SEMA6D: variants seen among roughly 807,000 people sequenced by gnomAD.
SEMA6D encodes semaphorin 6D.
In SEMA6D, 35 loss-of-function variants were observed where a neutral mutation model predicts 106.6. That is an observed-to-expected ratio of 0.33 (90% CI 0.25 to 0.44). The LOEUF (loss-of-function observed/expected upper bound fraction) is 0.44, where lower values mean the gene tolerates loss of function less well. SEMA6D is among the 20% of genes least tolerant of loss of function. SEMA6D has a pLI of 1.00. For synonymous variants in SEMA6D, 499 were observed against 487.7 expected (o/e 1.02, Z -0.31); for missense variants, 1,185 against 1,345.9 (o/e 0.88, Z 1.87).
At chr15:47,217,404 G>A (rs1436288744) in intron 1 of SEMA6D, among the ~76,000 whole-genome samples, 2 of 152,024 alleles carry the variant, frequency 1.3e-5, no homozygotes, top group African/African-American at 4.8e-5. Context: ...GCAAACAACT[G>A]GAAAACAAAA....
chr15:47,634,097 G>C (rs12595356), intron 4 of SEMA6D, among the ~76,000 whole-genome samples: 47,385 of 151,914 alleles, frequency 0.31, 7,891 homozygotes, highest in East Asian at 0.45. Context: ...GTCAAATAAT[G>C]CCGACATATG....
In SEMA6D at chr15:47,764,230, A is replaced by G. The variant is rs916439724; in HGVS notation, c.1022A>G (p.Lys341Arg). ...FSMDDIEKVFKGRFKEQKTPD... is the reference protein window; with the variant it reads ...FSMDDIEKVFRGRFKEQKTPD... ...ATGGATGACATTGAAAAAGTATTCA[A>G]AGGACGGTTTAAGGAACAGAAAACT... Residue 341 changes from lysine (K) to arginine (R), a missense_variant, in exon 11 of 19, where the codon AAA (lysine) becomes AGA (arginine). By Grantham distance (26) the Lys-to-Arg change is conservative. Coordinates refer to ENST00000536845, the MANE Select transcript of SEMA6D (RefSeq NM_001358351.3). 5.0e-6 allele frequency: 8 copies of G among 1,613,834 alleles called. No homozygotes were observed. Among genetic ancestry groups the G allele is most frequent in the Middle Eastern group, 1.7e-4 (1 of 6,052 alleles).
chr15:47,700,185 G>C (rs1213173096), intron 4 of SEMA6D, among the ~76,000 whole-genome samples: 1 of 152,160 alleles, frequency 6.6e-6, no homozygotes, highest in African/African-American at 2.4e-5. Context: ...AGACAATATA[G>C]TTAAGATGTC....
intron 3 of SEMA6D, among the ~76,000 whole-genome samples, chr15:47,473,446 G>A (rs1274609555): frequency 6.6e-6 from 1 of 152,092 alleles, no homozygotes; most frequent in Non-Finnish European, 1.5e-5. Flanking sequence ...TACATCACCT[G>A]TCAAAGCCAG....
At chr15:47,311,314 T>A (rs538695549) in intron 1 of SEMA6D, among the ~76,000 whole-genome samples, 28 of 152,312 alleles carry the variant, frequency 1.8e-4, no homozygotes, top group African/African-American at 6.7e-4. Context: ...AGGTTTTCTT[T>A]TAAGGATTCA....
chr15:47,631,455 C>CA (rs2077291301), intron 4 of SEMA6D, among the ~76,000 whole-genome samples: 1 of 148,190 alleles, frequency 6.7e-6, no homozygotes, highest in African/African-American at 2.5e-5. Context: ...CTTATACACA[C>CA]GAAAAAAAAA....
At chr15:47,509,532 A>G (rs1402095151) in intron 3 of SEMA6D, among the ~76,000 whole-genome samples, 11 of 152,178 alleles carry the variant, frequency 7.2e-5, no homozygotes, top group Admixed American at 7.2e-4. Context: ...CTGCCATGAC[A>G]TTGAAGGCTT....
At chr15:47,288,341 G>GA (rs2035457282) in intron 1 of SEMA6D, among the ~76,000 whole-genome samples, 1 of 152,168 alleles carries the variant, frequency 6.6e-6, no homozygotes, top group Non-Finnish European at 1.5e-5. Context: ...GTGGTGGAGG[G>GA]GAAAGGTGAC....
chr15:47,568,077 T>C (rs560584993), intron 3 of SEMA6D, among the ~76,000 whole-genome samples: 1 of 151,946 alleles, frequency 6.6e-6, no homozygotes, highest in African/African-American at 2.4e-5. Flanking sequence ...TCAGAGGTAA[T>C]GTAGTTGTAT....
intron 1 of SEMA6D, among the ~76,000 whole-genome samples, chr15:47,327,986 G>C (rs1376917461): frequency 6.6e-6 from 1 of 152,102 alleles, no homozygotes; most frequent in East Asian, 1.9e-4. Flanking sequence ...CGGAAAATGA[G>C]GCTAACATTT....
intron 2 of SEMA6D, among the ~76,000 whole-genome samples, chr15:47,425,132 A>C (rs2041289198): frequency 6.6e-6 from 1 of 152,070 alleles, no homozygotes; most frequent in African/African-American, 2.4e-5. Context: ...GAATCATTGA[A>C]AAGTCTGTCA....
chr15:47,308,202 C>T (rs1207373095), intron 1 of SEMA6D, among the ~76,000 whole-genome samples: 2 of 152,110 alleles, frequency 1.3e-5, no homozygotes, highest in African/African-American at 4.8e-5. Flanking sequence ...TGTACATATT[C>T]TACATAGGTG....
At chr15:47,211,477 A>G (rs967336776) in intron 1 of SEMA6D, among the ~76,000 whole-genome samples, 2 of 152,156 alleles carry the variant, frequency 1.3e-5, no homozygotes, top group Non-Finnish European at 2.9e-5. Context: ...CCAATAATGT[A>G]TTTCCTTTTA....
intron 1 of SEMA6D, among the ~76,000 whole-genome samples, chr15:47,376,696 T>C (rs2039461394): frequency 6.6e-6 from 1 of 152,228 alleles, no homozygotes; most frequent in African/African-American, 2.4e-5. Flanking sequence ...TGGCTCTTTA[T>C]TAGGTTACAC....
rs1284016402 is a variant in SEMA6D, at chr15:47,210,698, G to A, written c.-239+26280G>A. ...CAGAATCTCTTGAACCTGGGAGGTG[G>A]ATGTTGCAGTGAGCCGAGATAGCAC... On this transcript the variant is annotated intron_variant, in intron 1 of 19. Coordinates refer to the SEMA6D transcript ENST00000558014. Among the ~76,000 whole-genome samples, 10 of 143,818 alleles carry A rather than the reference G, an allele frequency of 7.0e-5. No homozygotes were observed. The Admixed American group carries it at 7.5e-4, about 11-fold the overall frequency. The allele number at this position is 143,818 out of a possible 152,430, so 94.4% of individuals were successfully genotyped here.
rs375526899 is a variant in SEMA6D at position 47,412,024 on chromosome 15, C to T, written c.-238-369C>T. The stretch of plus-strand genomic sequence containing the variant: ...TCTGTGTGCACAGACTTTGCAGTCA[C>T]GTAAGCACATACTTCATTAAAATTG... On this transcript the variant is annotated intron_variant, in intron 1 of 19. Transcript: ENST00000558014. 2.4e-4 allele frequency among the ~76,000 whole-genome samples: 37 copies of T among 152,226 alleles called. No individual in the cohort carries two copies. In the East Asian group the frequency reaches 7.0e-3, roughly 29 times the overall value.
At chr15:47,552,827 T>TTA (rs1491440766) in intron 3 of SEMA6D, among the ~76,000 whole-genome samples, 1 of 15,778 alleles carries the variant, frequency 6.3e-5, no homozygotes, top group Non-Finnish European at 1.4e-4. Flanking sequence ...AATATATATA[T>TTA]TTTTATATAT....
At chr15:47,218,115 A>G (rs892942993) in intron 1 of SEMA6D, among the ~76,000 whole-genome samples, 1 of 152,080 alleles carries the variant, frequency 6.6e-6, no homozygotes, top group East Asian at 1.9e-4. Context: ...TAGAGCTTCT[A>G]GGTTGTTATT....
chr15:47,469,341 C>CGTGT (rs113272376), intron 2 of SEMA6D, among the ~76,000 whole-genome samples: 1,642 of 147,100 alleles, frequency 0.011, 30 homozygotes, highest in African/African-American at 0.038. Flanking sequence ...CACGCATGTG[C>CGTGT]GTGTGTGTGT....
Sources: allele counts gnomAD v4.1 joint callset (sites outside exome capture counted in the v4.1 genomes callset), GRCh38; gene constraint gnomAD v4.1.1; transcripts MANE v1.5; gene names NCBI Gene and HGNC (gene_info 2026-07-23, HGNC 2026-07-21).